Variants in NTRK1 observed in about 807,000 individuals in gnomAD.
NTRK1 encodes the protein neurotrophic receptor tyrosine kinase 1.
A neutral mutation model predicts 86.8 loss-of-function variants in NTRK1; 62 were observed. The observed-to-expected ratio is 0.71, with a 90% CI of 0.58 to 0.88. The LOEUF (loss-of-function observed/expected upper bound fraction) is 0.88, where lower values mean the gene tolerates loss of function less well. NTRK1 is among the 40% of genes least tolerant of loss of function. The pLI, the probability that NTRK1 is intolerant of heterozygous loss-of-function variation, is 0.00. For missense variants in NTRK1, 967 were observed against 1,078.4 expected (o/e 0.90, Z 1.45); for synonymous variants, 469 against 456.6 (o/e 1.03, Z -0.35).
At chr1:156,834,816 C>CAG (rs1278406695) in intron 1 of NTRK1, among the ~76,000 whole-genome samples, 1 of 150,064 alleles carries the variant, frequency 6.7e-6, no homozygotes, top group Non-Finnish European at 1.5e-5. Flanking sequence ...GCCGGGGAGA[C>CAG]GGGGGGTTGT....
intron 1 of NTRK1, among the ~76,000 whole-genome samples, chr1:156,829,945 G>T (rs1481226032): frequency 6.6e-6 from 1 of 152,204 alleles, no homozygotes; most frequent in African/African-American, 2.4e-5. Flanking sequence ...GAGCCACTAC[G>T]CTTGGCCCAG....
At chr1:156,847,314 C>T (rs987270079) in intron 2 of NTRK1, among the ~76,000 whole-genome samples, 11 of 152,320 alleles carry the variant, frequency 7.2e-5, no homozygotes, top group African/African-American at 2.4e-4. Flanking sequence ...AGACCCACTG[C>T]CACAGGGAAA....
rs1396718496 is a variant in NTRK1, at chr1:156,873,975, T to G, written c.1177+16T>G. On this transcript the variant is annotated intron_variant, in intron 8 of 16. Transcript: ENST00000524377. ...CCCATCCCTGGTGCGAGGGCCATCC[T>G]GAACCCTGCCCCCACTCCTGGGCTC... 1 of 1,551,162 alleles carries G rather than the reference T, an allele frequency of 6.4e-7. No individual in the cohort carries two copies. The highest frequency in any genetic ancestry group is 1.4e-5 in the African/African-American group (1 of 73,050).
At chr1:156,816,156 C>T (rs1314300971) in intron 1 of NTRK1, 4 of 1,537,818 alleles carry the variant, frequency 2.6e-6, no homozygotes, top group African/African-American at 2.7e-5. Context: ...TCTCTGCCTC[C>T]CACCCCTCCT....
In NTRK1 at chr1:156,876,285, G is replaced by T. The variant is rs945092494; in HGVS notation, c.1632+75G>T. On this transcript the variant is annotated intron_variant, in intron 13 of 16. Transcript: ENST00000524377. Reference sequence around the variant, plus strand: ...AGCTCCATCACATCAGGACAGAGTGGGGGGAGATGCAGAGGGCTGACATGG... The same window carrying T: ...AGCTCCATCACATCAGGACAGAGTGTGGGGAGATGCAGAGGGCTGACATGG... The T allele has an allele frequency of 4.3e-6, 7 of 1,611,282 alleles. No homozygotes were observed. In the African/African-American group the frequency reaches 5.3e-5, roughly 12 times the overall value.
chr1:156,853,635 G>T (rs1167587205), intron 2 of NTRK1: 7 of 1,031,920 alleles, frequency 6.8e-6, no homozygotes, highest in Admixed American at 2.3e-5. Context: ...TAGGATGAGT[G>T]AGGATTAAAA....
rs369180208 is a variant in NTRK1, at chr1:156,843,225, G to T, written c.50+1032G>T. 8.1e-6 allele frequency: 13 copies of T among 1,613,864 alleles called. No homozygotes were observed. The highest frequency in any genetic ancestry group is 6.7e-5 in the African/African-American group (5 of 74,898). On this transcript the variant is annotated intron_variant, in intron 2 of 16. Transcript: ENST00000392302. ...TCCCGAGGCACCTCCCATTCATCAG[G>T]GACATACACTGCAAGGAGGTGGAGG...
intron 2 of NTRK1, among the ~76,000 whole-genome samples, chr1:156,853,020 C>T (rs1222073913): frequency 6.6e-6 from 1 of 152,168 alleles, no homozygotes; most frequent in Non-Finnish European, 1.5e-5. Context: ...CTTTTCCTTT[C>T]CTATAACGTT....
chr1:156,878,285 C>T (rs2102922553), intron 14 of NTRK1, among the ~76,000 whole-genome samples: 1 of 152,260 alleles, frequency 6.6e-6, no homozygotes, highest in South Asian at 2.1e-4. Flanking sequence ...CCTCAGCTCC[C>T]TTCGAATGGC....
At chr1:156,841,253 T>C (rs1381720428) in intron 1 of NTRK1, 2 of 968,020 alleles carry the variant, frequency 2.1e-6, no homozygotes, top group African/African-American at 3.3e-5. Flanking sequence ...GTCTTGGGGG[T>C]TTGGGATAGG....
intron 1 of NTRK1, among the ~76,000 whole-genome samples, chr1:156,833,019 C>A (rs1654503284): frequency 6.6e-6 from 1 of 152,222 alleles, no homozygotes; most frequent in Non-Finnish European, 1.5e-5. Flanking sequence ...GCCATACAGA[C>A]ACCATCCTGC....
At chr1:156,868,030 A>T (rs2102892273) in intron 4 of NTRK1, 74 bp from the exon 5 acceptor site, 1 of 1,565,146 alleles carries the variant, frequency 6.4e-7, no homozygotes, top group Non-Finnish European at 8.8e-7. Context: ...CCTGCTGCCT[A>T]ACTGCTCCCT....
chr1:156,860,860 TCGGGGGAGG>T, exon 1 of NTRK1: 1 of 1,381,874 alleles, frequency 7.2e-7, no homozygotes, highest in Middle Eastern at 2.7e-4. Flanking sequence ...AGCGCACATG[TCGGGGGAGG>T]CCTGGCAGCT....
intron 1 of NTRK1, chr1:156,840,594 C>T (rs1304304242): frequency 6.1e-6 from 3 of 492,958 alleles, no homozygotes; most frequent in African/African-American, 5.8e-5. Flanking sequence ...TGAGTGGGGT[C>T]CCTACCTCTG....
In NTRK1 at chr1:156,844,756, G is replaced by A. The variant is rs199807142; in HGVS notation, c.50+2563G>A. On this transcript the variant is annotated intron_variant, in intron 2 of 16. Coordinates refer to the NTRK1 transcript ENST00000392302. ...TTCGTACTTGAGGATGAGTCCGTTGGGGTCTGGTGGCTCGAGCCAGCGCAG... is the reference window on the plus strand; with the variant it reads ...TTCGTACTTGAGGATGAGTCCGTTGAGGTCTGGTGGCTCGAGCCAGCGCAG... The A allele has an allele frequency of 2.9e-5, 47 of 1,614,174 alleles. No individual in the cohort carries two copies. Among genetic ancestry groups the A allele is most frequent in the South Asian group, 6.6e-5 (6 of 91,082 alleles).
chr1:156,855,484 C>T (rs996018601), intron 2 of NTRK1, among the ~76,000 whole-genome samples: 6 of 151,962 alleles, frequency 3.9e-5, no homozygotes, highest in South Asian at 4.1e-4. Flanking sequence ...GGATTACAGG[C>T]GTGAACCACC....
At chr1:156,824,872 C>G (rs1289361548) in intron 1 of NTRK1, among the ~76,000 whole-genome samples, 1 of 152,094 alleles carries the variant, frequency 6.6e-6, no homozygotes, top group East Asian at 1.9e-4. Context: ...TGTGCCACAG[C>G]CTGAACGGCG....
chr1:156,842,536 C>G (rs1414412662), intron 2 of NTRK1: 1 of 1,573,984 alleles, frequency 6.4e-7, no homozygotes, highest in South Asian at 1.1e-5. Flanking sequence ...CCTAGCAGAC[C>G]CCCTAGTTCC....
rs372028318 is a variant in NTRK1 at position 156,838,374 on chromosome 1, G to GTTTTTTTTTTTTTTTT, written c.-63-3707_-63-3706insTTTTTTTTTTTTTTTT. 1.4e-5 allele frequency among the ~76,000 whole-genome samples: 2 copies of GTTTTTTTTTTTTTTTT among 145,582 alleles called. 1 individual carries two copies. On this transcript the variant is annotated intron_variant, in intron 1 of 16. Coordinates refer to the NTRK1 transcript ENST00000392302. Reference sequence around the variant, plus strand: ...CCTGTCTTCTCCCAGCCAGCTACAGGCTTTTTTTTTTTTCTGGAGTTCTGT... The same window carrying GTTTTTTTTTTTTTTTT: ...CCTGTCTTCTCCCAGCCAGCTACAGGTTTTTTTTTTTTTTTTCTTTTTTTTTTTTCTGGAGTTCTGT...
Sources: gnomAD v4.1 joint callset for allele counts (sites outside exome capture counted in the v4.1 genomes callset) on GRCh38, gnomAD v4.1.1 for gene constraint, MANE v1.5 for transcripts, NCBI Gene and HGNC (gene_info 2026-07-23, HGNC 2026-07-21) for gene names.